Variants in PROM1 observed in about 807,000 individuals in gnomAD.
PROM1 encodes the protein prominin-1.
Under a neutral mutation model 116.9 loss-of-function variants are expected in PROM1, and 105 were observed. The observed-to-expected ratio is 0.90, with a 90% CI of 0.77 to 1.06. The LOEUF (loss-of-function observed/expected upper bound fraction) is 1.06, where lower values mean the gene tolerates loss of function less well. PROM1 is among the 50% of genes least tolerant of loss of function. The probability of loss-of-function intolerance (pLI) is 0.00; values close to 1 mark genes in which losing one functional copy is unlikely to be tolerated. For missense variants in PROM1, 1,122 were observed against 1,045.2 expected (o/e 1.07, Z -1.01); for synonymous variants, 393 against 387.0 (o/e 1.02, Z -0.18).
intron 2 of PROM1, among the ~76,000 whole-genome samples, chr4:16,057,501 C>G (rs1460555380): frequency 6.6e-6 from 1 of 152,258 alleles, no homozygotes; most frequent in Non-Finnish European, 1.5e-5. Context: ...TCACCACCTT[C>G]TGGCTCCCAG....
intron 4 of PROM1, among the ~76,000 whole-genome samples, chr4:16,035,483 T>C (rs1733742736): frequency 6.6e-6 from 1 of 152,256 alleles, no homozygotes; most frequent in Non-Finnish European, 1.5e-5. Context: ...AGTTCACTTC[T>C]AGGCCGACTA....
intron 19 of PROM1, among the ~76,000 whole-genome samples, chr4:15,988,586 A>G (rs13340235): frequency 6.6e-6 from 1 of 152,322 alleles, no homozygotes; most frequent in African/African-American, 2.4e-5. Context: ...CAGGGTCCCT[A>G]GTTTGCCAAC....
At chr4:16,020,009 T>C (rs888317201) in intron 8 of PROM1, among the ~76,000 whole-genome samples, 1 of 152,346 alleles carries the variant, frequency 6.6e-6, no homozygotes, top group African/African-American at 2.4e-5. Context: ...TCTCAGGACC[T>C]TGGTCTCATC....
At chr4:16,055,002 G>A (rs76175281) in intron 2 of PROM1, among the ~76,000 whole-genome samples, 4,656 of 152,152 alleles carry the variant, frequency 0.031, 242 homozygotes, top group African/African-American at 0.11. Context: ...TTTATTCTAC[G>A]TAAATACATT....
Position 15,968,938 on chromosome 4 carries a change from C to T in PROM1, c.*455G>A, listed in dbSNP as rs1713703670. The stretch of plus-strand genomic sequence containing the variant: ...ATTTGTTTAAAAAACTCTGTGGTAA[C>T]AAAAGGTATATACACCGTTTACTGT... On this transcript the variant is annotated 3_prime_UTR_variant, in exon 28 of 28. Transcript: ENST00000447510. 1 of 152,154 alleles carries T rather than the reference C, an allele frequency of 6.6e-6. No individual in the cohort carries two copies. The highest frequency in any genetic ancestry group is 2.4e-5 in the African/African-American group (1 of 41,414). The allele number at this position is 152,154 out of a possible 1,614,324, so 9.4% of individuals were successfully genotyped here.
At position 15,968,899 on chromosome 4, in the gene PROM1, G is replaced by T. The variant is rs1390667561; in HGVS notation, c.*494C>A. On this transcript the variant is annotated 3_prime_UTR_variant, in exon 28 of 28. Transcript: ENST00000447510. ...ACTTATTTAGCTCATTTAGAAGAAA[G>T]TCCTATAATACTCATTTGTTTAAAA... 2.6e-5 allele frequency: 4 copies of T among 152,170 alleles called. No individual in the cohort carries two copies. The highest frequency in any genetic ancestry group is 9.7e-5 in the African/African-American group (4 of 41,436). The allele number at this position is 152,170 out of a possible 1,614,324, so 9.4% of individuals were successfully genotyped here. A position where few individuals can be genotyped will look rare whatever the true frequency, so the allele number is the denominator to read the frequency against.
intron 2 of PROM1, among the ~76,000 whole-genome samples, chr4:16,056,316 C>T (rs542645228): frequency 1.4e-4 from 21 of 152,126 alleles, no homozygotes; most frequent in Non-Finnish European, 2.2e-4. Context: ...ATCTTTATAA[C>T]GCAGGACTGT....
intron 9 of PROM1, 70 bp from the exon 10 acceptor site, chr4:16,016,310 G>T (rs910651057): frequency 1.6e-6 from 2 of 1,252,590 alleles, no homozygotes; most frequent in Admixed American, 2.2e-5. Context: ...GAAGAAAGAA[G>T]TCATTGTATA....
At chr4:16,048,156 C>G (rs888969817) in intron 2 of PROM1, among the ~76,000 whole-genome samples, 1 of 152,134 alleles carries the variant, frequency 6.6e-6, no homozygotes, top group African/African-American at 2.4e-5. Context: ...CACAATCTGT[C>G]CACTCCTGGG....
chr4:16,075,754 G>A lies in PROM1; in HGVS notation c.153C>T (p.Pro51=). ...YETQDSHKAG[P]IGILFELVHI... ...GCACTAGTTCAAAGAGAATGCCAAT[G>A]GGTCCAGCTTTATGGGAGTCTTGGG... Residue 51 remains proline, a synonymous_variant, in exon 2 of 28, where the codon CCC becomes CCT. Transcript: ENST00000447510. 6.2e-7 allele frequency: 1 copy of A among 1,613,786 alleles called. No homozygotes were observed. The highest frequency in any genetic ancestry group is 8.5e-7 in the Non-Finnish European group (1 of 1,179,836).
intron 2 of PROM1, among the ~76,000 whole-genome samples, chr4:16,075,218 G>A (rs1743696266): frequency 1.3e-5 from 2 of 152,154 alleles, no homozygotes; most frequent in African/African-American, 4.8e-5. Flanking sequence ...AAGTAAACAT[G>A]TTTGTCCTTA....
At position 15,995,557 on chromosome 4, in the gene PROM1, G is replaced by A. The variant is rs370124237; in HGVS notation, c.1683-1486C>T. 2.6e-5 allele frequency among the ~76,000 whole-genome samples: 4 copies of A among 152,148 alleles called. 1 individual carries two copies. In the East Asian group the frequency reaches 5.8e-4, roughly 22 times the overall value. Reference sequence around the variant, plus strand: ...CTGCCATGGGCTGAATAATGGAAACGAGGACTTTTCTCTGTCCTTTAACTT... The same window carrying A: ...CTGCCATGGGCTGAATAATGGAAACAAGGACTTTTCTCTGTCCTTTAACTT... On this transcript the variant is annotated intron_variant, in intron 15 of 27. Transcript: ENST00000447510.
At chr4:16,071,861 T>A (rs1010574593) in intron 2 of PROM1, among the ~76,000 whole-genome samples, 2 of 152,190 alleles carry the variant, frequency 1.3e-5, no homozygotes, top group Non-Finnish European at 2.9e-5. Flanking sequence ...GCCCTAGACA[T>A]GCCCTACTCT....
In PROM1 at chr4:16,011,073, G is replaced by A. The variant is rs1419115640; in HGVS notation, c.1142-1965C>T. Among the ~76,000 whole-genome samples the A allele has an allele frequency of 2.6e-5, 4 of 152,114 alleles. No homozygotes were observed. The East Asian group carries it at 5.8e-4, about 22-fold the overall frequency. On this transcript the variant is annotated intron_variant, in intron 11 of 27. Coordinates refer to ENST00000447510, the MANE Select transcript of PROM1 (RefSeq NM_006017.3). ...CCATGTTCTAGGAGCAGCTCCTAGG[G>A]CCCCTGCCTGCTTCTCAGCCTGGCT... is the stretch of plus-strand genomic sequence containing the variant.
chr4:15,994,230 C>CCCACACAAAAA (rs1721765681), intron 15 of PROM1, among the ~76,000 whole-genome samples, 159 bp from the exon 16 acceptor site: 2 of 152,214 alleles, frequency 1.3e-5, no homozygotes, highest in African/African-American at 4.8e-5. Flanking sequence ...AATCCCCCAG[C>CCCACACAAAAA]ACCCACCACT....
intron 13 of PROM1, among the ~76,000 whole-genome samples, chr4:16,001,985 C>A (rs1723981126): frequency 6.6e-6 from 1 of 152,114 alleles, no homozygotes; most frequent in South Asian, 2.1e-4. Context: ...CTGGCGGGAT[C>A]AACCTGAGCA....
intron 26 of PROM1, among the ~76,000 whole-genome samples, chr4:15,974,005 G>A (rs1056506465): frequency 2.0e-5 from 3 of 152,138 alleles, no homozygotes; most frequent in African/African-American, 7.2e-5. Context: ...TCAAGCCTTT[G>A]TGGTCTCACA....
In PROM1 at chr4:16,018,311, A is replaced by G; in HGVS notation, c.1002+12T>C. On this transcript the variant is annotated intron_variant, in intron 9 of 27. Transcript: ENST00000447510. ...TGCAGCCCTTGACCATGGCAAGCTC[A>G]TGCCTGCTCACCTGCCTCAGTTCAG... The G allele has an allele frequency of 6.2e-7, 1 of 1,611,396 alleles. No individual in the cohort carries two copies. The highest frequency in any genetic ancestry group is 2.2e-5 in the East Asian group (1 of 44,828).
chr4:15,999,470 T>TAA (rs55902645), intron 14 of PROM1, among the ~76,000 whole-genome samples: 1 of 141,566 alleles, frequency 7.1e-6, no homozygotes, highest in Non-Finnish European at 1.6e-5. Context: ...GACTCCGTCT[T>TAA]AAAAAAAAAA....
Sources: gnomAD v4.1 joint callset for allele counts (sites outside exome capture counted in the v4.1 genomes callset) on GRCh38, gnomAD v4.1.1 for gene constraint, MANE v1.5 for transcripts, NCBI Gene and HGNC (gene_info 2026-07-23, HGNC 2026-07-21) for gene names.